Variants in C8orf34 observed in about 807,000 individuals in gnomAD.
C8orf34 encodes uncharacterized protein C8orf34.
Under a neutral mutation model 68.3 loss-of-function variants are expected in C8orf34, and 65 were observed. The observed-to-expected ratio is 0.95, with a 90% CI of 0.78 to 1.17. C8orf34 has a LOEUF of 1.17. Among genes scored for constraint, C8orf34 ranks in the 50% most tolerant of loss-of-function variants. C8orf34 has a pLI of 0.00. For missense variants in C8orf34, 664 were observed against 655.4 expected, an observed-to-expected ratio of 1.01 and a Z score of -0.14; for synonymous variants, 244 against 241.2, an observed-to-expected ratio of 1.01 and a Z score of -0.11.
At chr8:68,626,958 A>AT (rs113596387) in intron 7 of C8orf34, among the ~76,000 whole-genome samples, 3 of 152,210 alleles carry the variant, frequency 2.0e-5, no homozygotes, top group South Asian at 2.1e-4. Flanking sequence ...AATATATAAG[A>AT]TTTTTTTATC....
At chr8:68,680,449 G>T (rs1042883555) in intron 8 of C8orf34, among the ~76,000 whole-genome samples, 2 of 152,130 alleles carry the variant, frequency 1.3e-5, no homozygotes, top group Non-Finnish European at 2.9e-5. Context: ...CTGGGCCACT[G>T]GGGGTGACAT....
chr8:68,640,314 AT>A, intron 7 of C8orf34, 61 bp from the exon 8 acceptor site: 2 of 1,519,884 alleles, frequency 1.3e-6, no homozygotes, highest in Non-Finnish European at 1.8e-6. Flanking sequence ...GAAAATATGA[AT>A]TTTTCTCCTT....
At chr8:68,352,332 CTA>C (rs1290505689) in intron 1 of C8orf34, among the ~76,000 whole-genome samples, 6 of 152,026 alleles carry the variant, frequency 3.9e-5, no homozygotes, top group Admixed American at 3.3e-4. Flanking sequence ...GACGTGAAAA[CTA>C]TGTCTGATAT....
intron 8 of C8orf34, among the ~76,000 whole-genome samples, chr8:68,649,842 T>G (rs1819291314): frequency 6.6e-6 from 1 of 151,822 alleles, no homozygotes; most frequent in African/African-American, 2.4e-5. Context: ...GTACAACGTA[T>G]GGAAAAAAAA....
intron 8 of C8orf34, among the ~76,000 whole-genome samples, chr8:68,707,432 T>G (rs762471199): frequency 2.0e-5 from 3 of 152,196 alleles, no homozygotes; most frequent in Non-Finnish European, 2.9e-5. Flanking sequence ...TGACATTTGG[T>G]TTATGCTTGA....
At chr8:68,442,170 AT>A in intron 2 of C8orf34, among the ~76,000 whole-genome samples, 1 of 152,234 alleles carries the variant, frequency 6.6e-6, no homozygotes, top group Middle Eastern at 3.4e-3. Flanking sequence ...TGGTGAGGAT[AT>A]TTGCCAAGAC....
chr8:68,774,984 G>GCA (rs1383850844), intron 10 of C8orf34, among the ~76,000 whole-genome samples: 1 of 106,600 alleles, frequency 9.4e-6, no homozygotes, highest in African/African-American at 4.0e-5. Context: ...GGGCGGGGTG[G>GCA]CACATGTCTG....
In C8orf34 at chr8:68,721,452, T is replaced by A. The variant is rs1374034697; in HGVS notation, c.1404+15T>A. The A allele has an allele frequency of 2.6e-6, 4 of 1,554,754 alleles. No homozygotes were observed. The highest frequency in any genetic ancestry group is 1.4e-5 in the African/African-American group (1 of 73,386). On this transcript the variant is annotated intron_variant, in intron 10 of 13. Coordinates refer to ENST00000518698, the MANE Select transcript of C8orf34 (RefSeq NM_052958.4). ...TAACAGGACCTGTAAGTATATTCAT[T>A]GACTTATTTTTTTTAATTGCTAAAA...
intron 11 of C8orf34, among the ~76,000 whole-genome samples, chr8:68,779,008 C>A (rs1470700671): frequency 6.6e-6 from 1 of 152,008 alleles, no homozygotes; most frequent in Non-Finnish European, 1.5e-5. Context: ...GAGACCCTGT[C>A]TCTACAAAAA....
At chr8:68,806,267 CT>C (rs918885019) in intron 12 of C8orf34, among the ~76,000 whole-genome samples, 2 of 151,636 alleles carry the variant, frequency 1.3e-5, no homozygotes, top group Admixed American at 6.6e-5. Context: ...GTCACTATTC[CT>C]TTTTTTCAAT....
At chr8:68,626,365 A>ATTTAGT (rs1264575241) in intron 7 of C8orf34, among the ~76,000 whole-genome samples, 1 of 152,232 alleles carries the variant, frequency 6.6e-6, no homozygotes, top group Non-Finnish European at 1.5e-5. Context: ...TAATATGTCA[A>ATTTAGT]TTTAGTTTTG....
intron 4 of C8orf34, among the ~76,000 whole-genome samples, chr8:68,474,942 G>A (rs377587991): frequency 6.6e-6 from 1 of 152,210 alleles, no homozygotes; most frequent in Non-Finnish European, 1.5e-5. Context: ...TTCACTATAA[G>A]TGTAGTGGCT....
chr8:68,499,567 C>T (rs1397080308), intron 5 of C8orf34, among the ~76,000 whole-genome samples: 1 of 152,138 alleles, frequency 6.6e-6, no homozygotes, highest in Non-Finnish European at 1.5e-5. Context: ...AATTAGAAAG[C>T]CACAAATTGG....
At chr8:68,574,887 TA>T (rs35989318) in intron 7 of C8orf34, among the ~76,000 whole-genome samples, 11 of 151,602 alleles carry the variant, frequency 7.3e-5, no homozygotes, top group African/African-American at 1.2e-4. Flanking sequence ...ATGTCTTCTT[TA>T]AAAAAAAGCA....
intron 6 of C8orf34, chr8:68,525,456 A>C (rs1036916016): frequency 9.1e-6 from 5 of 550,562 alleles, no homozygotes; most frequent in Non-Finnish European, 1.6e-5. Context: ...AGTTCAATCC[A>C]AAACAAATTT....
At chr8:68,687,060 G>A (rs1038241558) in intron 8 of C8orf34, among the ~76,000 whole-genome samples, 5 of 152,002 alleles carry the variant, frequency 3.3e-5, no homozygotes, top group Non-Finnish European at 1.5e-5. Context: ...CTTAACCAAG[G>A]AGGTGAAAGA....
intron 1 of C8orf34, among the ~76,000 whole-genome samples, chr8:68,379,463 G>T (rs991131042): frequency 6.6e-6 from 1 of 152,122 alleles, no homozygotes; most frequent in Non-Finnish European, 1.5e-5. Context: ...TTCATGCCCC[G>T]CTCCACAGCA....
intron 7 of C8orf34, among the ~76,000 whole-genome samples, chr8:68,582,008 C>T (rs938219308): frequency 6.6e-6 from 1 of 151,776 alleles, no homozygotes; most frequent in Non-Finnish European, 1.5e-5. Flanking sequence ...ATTGTTTTCC[C>T]CTGTAGAGGT....
intron 4 of C8orf34, among the ~76,000 whole-genome samples, chr8:68,485,807 G>A (rs1467227349): frequency 8.6e-5 from 13 of 151,410 alleles, no homozygotes; most frequent in Admixed American, 8.5e-4. Context: ...ATTGAATTAT[G>A]GATTATTTAA....
Sources: allele counts gnomAD v4.1 joint callset (sites outside exome capture counted in the v4.1 genomes callset), GRCh38; gene constraint gnomAD v4.1.1; transcripts MANE v1.5; gene names NCBI Gene and HGNC (gene_info 2026-07-23, HGNC 2026-07-21).